Variants in DNAH12 observed in about 807,000 individuals in gnomAD.
The protein encoded by DNAH12 is axonemal beta dynein heavy chain 12.
Under a neutral mutation model 371.5 loss-of-function variants are expected in DNAH12, and 285 were observed. The observed-to-expected ratio is 0.77, with a 90% CI of 0.70 to 0.85. The LOEUF (loss-of-function observed/expected upper bound fraction) is 0.85, where lower values mean the gene tolerates loss of function less well. Among genes scored for constraint, DNAH12 ranks in the 40% least tolerant of loss-of-function variants. The pLI is 0.00. For missense variants in DNAH12, 3,611 were observed against 3,689.4 expected (o/e 0.98, Z 0.55); for synonymous variants, 1,200 against 1,213.0 (o/e 0.99, Z 0.22).
intron 58 of DNAH12, among the ~76,000 whole-genome samples, chr3:57,361,188 A>T (rs1228105358): frequency 1.3e-5 from 2 of 151,454 alleles, no homozygotes; most frequent in African/African-American, 4.9e-5. Context: ...TGTCTCTACT[A>T]AAAATACAAA....
intron 50 of DNAH12, among the ~76,000 whole-genome samples, chr3:57,381,900 CT>C (rs1438568353): frequency 1.3e-5 from 2 of 151,054 alleles, no homozygotes. Flanking sequence ...TGAAGTCTCA[CT>C]TTGTCACCCA....
Position 57,405,015 on chromosome 3 carries a change from C to A in DNAH12, c.6709G>T (p.Glu2237Ter), listed in dbSNP as rs1553680547. The change falls in exon 42 of 74, where the codon GAG (glutamate) becomes TAG (stop). Residue 2237 changes from glutamate to a stop codon, truncating the protein, a stop_gained. Coordinates refer to ENST00000495027, the MANE Select transcript of DNAH12 (RefSeq NM_001366028.2). LOFTEE classifies it high-confidence loss of function. ...FSDVVDQCLD[E>*]YNQTHKTRMN... ...CTTGTTTTGTGTGTTTGATTATACTCATCTAAGCACTGGTCCACAACATCA... is the reference window on the plus strand; with the variant it reads ...CTTGTTTTGTGTGTTTGATTATACTAATCTAAGCACTGGTCCACAACATCA... 2 of 1,539,042 alleles carry A rather than the reference C, an allele frequency of 1.3e-6. No individual in the cohort carries two copies. The highest frequency in any genetic ancestry group is 1.7e-6 in the Non-Finnish European group (2 of 1,143,310).
intron 21 of DNAH12, 33 bp from the exon 22 acceptor site, chr3:57,458,036 G>C (rs2065950952): frequency 1.0e-5 from 16 of 1,540,472 alleles, no homozygotes; most frequent in Non-Finnish European, 1.4e-5. Flanking sequence ...AAAAGTTTTA[G>C]TTATAATTCA....
At position 57,462,824 on chromosome 3, in the gene DNAH12, G is replaced by A; in HGVS notation, c.2401C>T (p.His801Tyr). Residue 801 changes from histidine to tyrosine, a missense_variant, in exon 18 of 74, where the codon CAC becomes TAC. Physicochemically the swap from His to Tyr is moderately conservative, Grantham distance 83. This residue lies in a region of DNAH12 where 1,314 missense variants were observed against 1,398.7 expected (regional missense o/e 0.94). Transcript: ENST00000495027. ...ACAATTTCTGATATCTGTTTCCAGT[G>A]ACGAGCTCTCATTCCTGGATTGCAC... Reference protein sequence around the residue: ...ILCNPGMRARHWKQISEIVGY... With the variant: ...ILCNPGMRARYWKQISEIVGY... 6.4e-7 allele frequency: 1 copy of A among 1,551,466 alleles called. No individual in the cohort carries two copies. Among genetic ancestry groups the A allele is most frequent in the Admixed American group, 2.0e-5 (1 of 50,992 alleles).
intron 73 of DNAH12, among the ~76,000 whole-genome samples, chr3:57,294,507 AG>A: frequency 1.3e-5 from 2 of 152,146 alleles, no homozygotes; most frequent in African/African-American, 4.8e-5. Flanking sequence ...GCATGATTCT[AG>A]GTGTGGAAGA....
chr3:57,475,334 AAG>A (rs376627894), intron 13 of DNAH12, among the ~76,000 whole-genome samples: 10 of 152,230 alleles, frequency 6.6e-5, no homozygotes, highest in Non-Finnish European at 1.5e-4. Flanking sequence ...GGAAGAAAGA[AAG>A]AGAGAAAGAG....
chr3:57,462,135 A>C (rs901704951), intron 18 of DNAH12, among the ~76,000 whole-genome samples: 1 of 152,232 alleles, frequency 6.6e-6, no homozygotes, highest in Non-Finnish European at 1.5e-5. Flanking sequence ...ACACTAGCAC[A>C]TCATCCAACG....
chr3:57,486,146 A>C (rs2066916742), intron 12 of DNAH12, among the ~76,000 whole-genome samples: 1 of 150,872 alleles, frequency 6.6e-6, no homozygotes, highest in African/African-American at 2.4e-5. Flanking sequence ...AATAGCTTGA[A>C]CCTGGGAGGC....
Position 57,322,331 on chromosome 3 carries a change from G to T in DNAH12, c.10524+12C>A. 3 of 1,540,748 alleles carry T rather than the reference G, an allele frequency of 1.9e-6. No homozygotes were observed. Among genetic ancestry groups the T allele is most frequent in the Non-Finnish European group, 8.8e-7 (1 of 1,142,124 alleles). On this transcript the variant is annotated intron_variant, in intron 65 of 73. Coordinates refer to ENST00000495027, the MANE Select transcript of DNAH12 (RefSeq NM_001366028.2). ...AAAACACATTTTAAAAGTTCCAAAAGATGAATATTACCAGTTCCTTTCCAC... is the reference window on the plus strand; with the variant it reads ...AAAACACATTTTAAAAGTTCCAAAATATGAATATTACCAGTTCCTTTCCAC...
chr3:57,395,621 G>A (rs2063720781), intron 43 of DNAH12, among the ~76,000 whole-genome samples: 1 of 151,960 alleles, frequency 6.6e-6, no homozygotes, highest in African/African-American at 2.4e-5. Context: ...ATCAAATCAT[G>A]TCAGGTTTAT....
At chr3:57,422,438 C>G (rs1212099050) in intron 35 of DNAH12, among the ~76,000 whole-genome samples, 3 of 152,006 alleles carry the variant, frequency 2.0e-5, no homozygotes, top group Non-Finnish European at 4.4e-5. Context: ...CCGTGATCTG[C>G]CCGCCTCAGC....
In DNAH12 at chr3:57,310,943, A is replaced by C. The variant is rs762035763; in HGVS notation, c.10670T>G (p.Ile3557Ser). 1 of 1,543,700 alleles carries C rather than the reference A, an allele frequency of 6.5e-7. No individual in the cohort carries two copies. Among genetic ancestry groups the C allele is most frequent in the African/African-American group, 1.4e-5 (1 of 72,820 alleles). ...RISIRQLQLF[I>S]NEYDTIPFEA... ...AAATGGAATTGTATCATATTCATTG[A>C]TAAATAACTGAAGCAAAGGAAAAAT... The change falls in exon 67 of 74, where the codon ATC becomes AGC. Residue 3557 changes from isoleucine (I) to serine (S), a missense_variant. Coordinates refer to ENST00000495027, the MANE Select transcript of DNAH12 (RefSeq NM_001366028.2).
intron 5 of DNAH12, among the ~76,000 whole-genome samples, chr3:57,509,861 TAAAAAAAAAA>T (rs902155403): frequency 0.04 from 1,872 of 46,568 alleles, 36 homozygotes; most frequent in African/African-American, 0.1. Context: ...GACTCCATCA[TAAAAAAAAAA>T]AAAAAAAAAA....
At chr3:57,309,352 T>C in intron 68 of DNAH12, 98 bp from the exon 69 acceptor site, 1 of 959,678 alleles carries the variant, frequency 1.0e-6, no homozygotes. Context: ...AGGGTGTATA[T>C]GTACATTAGC....
intron 68 of DNAH12, 23 bp from the exon 69 acceptor site, chr3:57,309,277 T>A (rs1336623349): frequency 6.6e-7 from 1 of 1,510,502 alleles, no homozygotes; most frequent in Admixed American, 2.2e-5. Context: ...ATTTTGAAGA[T>A]CACAAATTAT....
chr3:57,424,124 A>C (rs142813223), intron 35 of DNAH12, among the ~76,000 whole-genome samples: 1,669 of 152,242 alleles, frequency 0.011, 14 homozygotes, highest in Non-Finnish European at 0.018. Context: ...CTAATGTCCA[A>C]ATTTGTTTAA....
intron 60 of DNAH12, among the ~76,000 whole-genome samples, chr3:57,350,930 A>G (rs541715205): frequency 6.6e-6 from 1 of 152,324 alleles, no homozygotes; most frequent in African/African-American, 2.4e-5. Flanking sequence ...CCATGATGCA[A>G]TAATATGTAT....
At chr3:57,415,789 C>CTTTT (rs11326189) in intron 37 of DNAH12, among the ~76,000 whole-genome samples, 1 of 119,400 alleles carries the variant, frequency 8.4e-6, no homozygotes, top group Non-Finnish European at 1.7e-5. Flanking sequence ...ATTTTTTATT[C>CTTTT]TTTTTTTTTT....
intron 60 of DNAH12, among the ~76,000 whole-genome samples, chr3:57,339,305 C>T (rs1457131629): frequency 6.6e-6 from 1 of 151,618 alleles, no homozygotes; most frequent in Non-Finnish European, 1.5e-5. Context: ...ATCTGCTGAC[C>T]TTCTCTCCAC....
Sources: allele counts gnomAD v4.1 joint callset (sites outside exome capture counted in the v4.1 genomes callset), GRCh38; gene constraint gnomAD v4.1.1; regional missense constraint gnomAD v4.1.1; transcripts MANE v1.5; gene names NCBI Gene and HGNC (gene_info 2026-07-23, HGNC 2026-07-21).